The following SESTD1 variants were observed in gnomAD, a reference collection of about 807,000 sequenced individuals.
SESTD1 encodes the protein SEC14 and spectrin domain containing 1, also known as SEC14 domain and spectrin repeat-containing protein 1.
In SESTD1, 43 loss-of-function variants were observed where a neutral mutation model predicts 101.7. That is an observed-to-expected ratio of 0.42 (90% CI 0.33 to 0.55). The LOEUF (loss-of-function observed/expected upper bound fraction) is 0.55, where lower values mean the gene tolerates loss of function less well. Among genes scored for constraint, SESTD1 ranks in the 20% least tolerant of loss-of-function variants. The pLI, the probability that SESTD1 is intolerant of heterozygous loss-of-function variation, is 0.07. For missense variants in SESTD1, 647 were observed against 815.1 expected (o/e 0.79, Z 2.51); for synonymous variants, 283 against 286.8 (o/e 0.99, Z 0.13).
chr2:179,205,849 A>G lies in SESTD1; in HGVS notation c.-25-13983T>C, dbSNP rs191150304. ...CCCTTCTAGAGTCTCCTTTCCATCAATCTCTTTCACTGTTGTCACAAAAGA... is the reference window on the plus strand; with the variant it reads ...CCCTTCTAGAGTCTCCTTTCCATCAGTCTCTTTCACTGTTGTCACAAAAGA... On this transcript the variant is annotated intron_variant, in intron 1 of 17. Transcript: ENST00000428443. Among the ~76,000 whole-genome samples the G allele has an allele frequency of 2.3e-3, 305 of 134,362 alleles. 59 individuals are homozygous for G. The highest frequency in any genetic ancestry group is 3.9e-3 in the Admixed American group (54 of 13,830). 88.1% of individuals were successfully genotyped at this position (134,362 alleles called of 152,430 possible).
At chr2:179,221,092 T>G (rs2046808006) in intron 1 of SESTD1, among the ~76,000 whole-genome samples, 1 of 152,204 alleles carries the variant, frequency 6.6e-6, no homozygotes, top group South Asian at 2.1e-4. Flanking sequence ...AATTGAGATT[T>G]TGGCACTAAA....
At chr2:179,177,650 C>G (rs1182727631) in intron 3 of SESTD1, among the ~76,000 whole-genome samples, 1 of 152,154 alleles carries the variant, frequency 6.6e-6, no homozygotes, top group Non-Finnish European at 1.5e-5. Context: ...TGGGAGGGAA[C>G]AGCCAAGCAC....
intron 1 of SESTD1, among the ~76,000 whole-genome samples, chr2:179,252,548 T>C (rs1020031674): frequency 2.6e-5 from 4 of 152,224 alleles, no homozygotes; most frequent in Non-Finnish European, 4.4e-5. Flanking sequence ...ATCTTCCACC[T>C]TCCTCTATCA....
rs2044283250 is a variant in SESTD1, at chr2:179,101,934, T to C, written c.*7965A>G. On this transcript the variant is annotated 3_prime_UTR_variant, in exon 18 of 18. Coordinates refer to ENST00000428443, the MANE Select transcript of SESTD1 (RefSeq NM_178123.5). ...AACTTCATTGGACAAGGTATAAGGC[T>C]TGCCAATTTCCAAAGTCTGGCAGTC... 1 of 152,218 alleles carries C rather than the reference T, an allele frequency of 6.6e-6. No individual in the cohort carries two copies. The allele number at this position is 152,218 out of a possible 1,614,324, so 9.4% of individuals were successfully genotyped here. A position where few individuals can be genotyped will look rare whatever the true frequency, so the allele number is the denominator to read the frequency against.
At chr2:179,183,370 AG>A (rs1341823625) in intron 2 of SESTD1, among the ~76,000 whole-genome samples, 182 bp from the exon 3 acceptor site, 2 of 152,162 alleles carry the variant, frequency 1.3e-5, no homozygotes. Context: ...CAGAAAATTT[AG>A]AAAAAAGGAA....
chr2:179,233,792 A>G (rs2047020839), intron 1 of SESTD1, among the ~76,000 whole-genome samples: 1 of 152,128 alleles, frequency 6.6e-6, no homozygotes, highest in South Asian at 2.1e-4. Flanking sequence ...ACAGGGATAC[A>G]TGCATGCATG....
At chr2:179,132,088 T>C (rs1053416635) in intron 10 of SESTD1, 5 of 418,272 alleles carry the variant, frequency 1.2e-5, no homozygotes, top group African/African-American at 8.1e-5. Flanking sequence ...TCTATAAAAA[T>C]ATAATTAAAC....
At chr2:179,128,396 A>T (rs1312250944) in intron 10 of SESTD1, among the ~76,000 whole-genome samples, 1 of 152,186 alleles carries the variant, frequency 6.6e-6, no homozygotes, top group African/African-American at 2.4e-5. Flanking sequence ...ATACATTTGC[A>T]TGTATTTAAA....
At chr2:179,248,948 G>A (rs1209282816) in intron 1 of SESTD1, among the ~76,000 whole-genome samples, 2 of 151,408 alleles carry the variant, frequency 1.3e-5, no homozygotes, top group Non-Finnish European at 2.9e-5. Context: ...AAAATTAGCT[G>A]GGTGTGGTGG....
chr2:179,146,359 T>C lies in SESTD1; in HGVS notation c.637+43A>G, dbSNP rs765425839. ...TTATTTAATGAACGAATCAATCCAA[T>C]TGGTTTACTGGATTATTATCACAAA... On this transcript the variant is annotated intron_variant, in intron 8 of 17. Transcript: ENST00000428443. 6 of 1,493,476 alleles carry C rather than the reference T, an allele frequency of 4.0e-6. No individual in the cohort carries two copies. In the South Asian group the frequency reaches 4.6e-5, roughly 11 times the overall value. The allele number at this position is 1,493,476 out of a possible 1,614,324, so 92.5% of individuals were successfully genotyped here. A position where few individuals can be genotyped will look rare whatever the true frequency, so the allele number is the denominator to read the frequency against.
intron 5 of SESTD1, among the ~76,000 whole-genome samples, chr2:179,164,399 CAAAA>C (rs530362186): frequency 6.7e-4 from 102 of 152,058 alleles, no homozygotes; most frequent in African/African-American, 2.4e-3. Flanking sequence ...TAATGAGTGA[CAAAA>C]AAGGAGAGTG....
rs554819392 is a variant in SESTD1, at chr2:179,104,217, T to C, written c.*5682A>G. ...AGGCTTCTGAGACTATTCGTAAGTG[T>C]GATGTGAGCAATCAGTTCTCAAATC... On this transcript the variant is annotated 3_prime_UTR_variant, in exon 18 of 18. Transcript: ENST00000428443. The C allele has an allele frequency of 1.3e-5, 2 of 152,258 alleles. No individual in the cohort carries two copies. Among genetic ancestry groups the C allele is most frequent in the African/African-American group, 4.8e-5 (2 of 41,564 alleles). 9.4% of individuals were successfully genotyped at this position (152,258 alleles called of 1,614,324 possible).
intron 3 of SESTD1, among the ~76,000 whole-genome samples, chr2:179,178,762 G>C (rs924486554): frequency 6.6e-6 from 1 of 152,152 alleles, no homozygotes; most frequent in East Asian, 1.9e-4. Flanking sequence ...AATGTGCCAT[G>C]TGCCATTCTC....
Position 179,197,078 on chromosome 2 carries a change from G to A in SESTD1, c.-25-5212C>T, listed in dbSNP as rs1041597354. Among the ~76,000 whole-genome samples, 15 of 152,200 alleles carry A rather than the reference G, an allele frequency of 9.9e-5. 1 individual carries two copies. The South Asian group carries it at 2.9e-3, about 29-fold the overall frequency. ...AACTTTGAAAAAAATTTAGAAGAAT[G>A]TATAACTAGAATAACCAATACAGAG... On this transcript the variant is annotated intron_variant, in intron 1 of 17. Transcript: ENST00000428443.
chr2:179,112,419 G>A (rs1347871907), intron 17 of SESTD1, among the ~76,000 whole-genome samples: 2 of 152,190 alleles, frequency 1.3e-5, no homozygotes, highest in East Asian at 1.9e-4. Context: ...TCCTTTTCCT[G>A]AATGAAGCCC....
intron 12 of SESTD1, 78 bp downstream of exon 12, chr2:179,123,637 G>GACTTAATT (rs2044801134): frequency 1.1e-6 from 1 of 913,602 alleles, no homozygotes; most frequent in African/African-American, 1.7e-5. Context: ...AGTGTAAGTT[G>GACTTAATT]ACTTAATTGT....
At chr2:179,198,322 A>T (rs1320687641) in intron 1 of SESTD1, among the ~76,000 whole-genome samples, 1 of 152,218 alleles carries the variant, frequency 6.6e-6, no homozygotes, top group African/African-American at 2.4e-5. Flanking sequence ...TGAGTGACCT[A>T]CAAAGAGACT....
intron 10 of SESTD1, among the ~76,000 whole-genome samples, chr2:179,130,669 A>G (rs6741422): frequency 0.013 from 1,973 of 152,150 alleles, 42 homozygotes; most frequent in African/African-American, 0.045. Context: ...TAGAATCCTC[A>G]TGTGCCATGT....
chr2:179,161,560 C>T (rs1455396077), intron 5 of SESTD1, among the ~76,000 whole-genome samples: 2 of 151,572 alleles, frequency 1.3e-5, no homozygotes, highest in South Asian at 2.1e-4. Context: ...ACTCAGGAGG[C>T]TGAGGCAAGG....
Sources: allele counts gnomAD v4.1 joint callset (sites outside exome capture counted in the v4.1 genomes callset), GRCh38; gene constraint gnomAD v4.1.1; transcripts MANE v1.5; gene names NCBI Gene and HGNC (gene_info 2026-07-23, HGNC 2026-07-21).